The following DCDC2 variants were observed in gnomAD, a reference collection of about 807,000 sequenced individuals.
The protein encoded by DCDC2 is doublecortin domain containing 2, also known as doublecortin domain-containing protein 2.
In DCDC2, 40 loss-of-function variants were observed where a neutral mutation model predicts 50.2. The observed-to-expected ratio is 0.80, with a 90% CI of 0.62 to 1.04. The LOEUF (loss-of-function observed/expected upper bound fraction) is 1.04. Ranked by LOEUF, DCDC2 falls within the 50% of genes least tolerant of loss-of-function variation. The probability of loss-of-function intolerance (pLI) is 0.00; values close to 1 mark genes in which losing one functional copy is unlikely to be tolerated. For missense variants in DCDC2, 570 were observed against 581.9 expected (o/e 0.98, Z 0.21); for synonymous variants, 234 against 210.6 (o/e 1.11, Z -0.96).
At chr6:24,375,631 A>G in the DCDC2 span, among the ~76,000 whole-genome samples, 1 of 152,144 alleles carries the variant, frequency 6.6e-6, no homozygotes, top group East Asian at 1.9e-4. Context: ...TCACCACTCC[A>G]TAGAAATTAG....
intron 4 of DCDC2, among the ~76,000 whole-genome samples, chr6:24,300,901 TG>T (rs1759356519): frequency 1.3e-5 from 2 of 152,166 alleles, no homozygotes; most frequent in Admixed American, 1.3e-4. Flanking sequence ...TGTTGGAACC[TG>T]AAAAAAATGC....
chr6:24,278,261 A>G (rs1361310757), intron 6 of DCDC2, 50 bp from the exon 7 acceptor site: 3 of 1,521,786 alleles, frequency 2.0e-6, no homozygotes, highest in Non-Finnish European at 2.7e-6. Flanking sequence ...AACTCTCAAA[A>G]ACATTCCCAG....
intron 7 of DCDC2, among the ~76,000 whole-genome samples, chr6:24,268,394 C>T (rs375530955): frequency 3.9e-5 from 6 of 151,920 alleles, no homozygotes; most frequent in African/African-American, 1.2e-4. Flanking sequence ...AGCTAAGGCA[C>T]GATAATTGCT....
intron 7 of DCDC2, among the ~76,000 whole-genome samples, chr6:24,208,429 G>T: frequency 7.1e-6 from 1 of 140,402 alleles, no homozygotes; most frequent in East Asian, 2.2e-4. Flanking sequence ...GGAGTGCAGT[G>T]GCGCAATCTC....
chr6:24,347,013 T>C (rs781141086), intron 2 of DCDC2, among the ~76,000 whole-genome samples: 11 of 152,184 alleles, frequency 7.2e-5, no homozygotes, highest in Admixed American at 7.2e-4. Context: ...CAAGCCTACT[T>C]ATCCTGATCA....
intron 2 of DCDC2, among the ~76,000 whole-genome samples, chr6:24,347,831 G>A (rs1199336202): frequency 6.6e-6 from 1 of 152,098 alleles, no homozygotes; most frequent in Non-Finnish European, 1.5e-5. Flanking sequence ...ATCTAAATAG[G>A]TGGTGGAAAA....
At chr6:24,322,764 G>C (rs1190127307) in intron 2 of DCDC2, among the ~76,000 whole-genome samples, 1 of 152,062 alleles carries the variant, frequency 6.6e-6, no homozygotes, top group South Asian at 2.1e-4. Context: ...GAGTTGTCCC[G>C]CCTTTCTGAA....
intron 7 of DCDC2, among the ~76,000 whole-genome samples, chr6:24,272,890 C>T (rs550899772): frequency 2.0e-5 from 3 of 152,120 alleles, no homozygotes; most frequent in Admixed American, 6.5e-5. Context: ...ATCATTATAC[C>T]AAAAAGACAC....
At chr6:24,204,977 A>G (rs1018502954) in intron 8 of DCDC2, 25 bp downstream of exon 8, 2 of 1,597,374 alleles carry the variant, frequency 1.3e-6, no homozygotes, top group Middle Eastern at 1.7e-4. Flanking sequence ...TGTCTTACAC[A>G]TATTTTTTAA....
upstream of DCDC2, among the ~76,000 whole-genome samples, chr6:24,359,035 T>C (rs1301128727): frequency 1.5e-4 from 7 of 45,360 alleles, no homozygotes; most frequent in African/African-American, 6.8e-4. Context: ...TTTTATATTT[T>C]ATATATATTA....
At chr6:24,359,274 T>TATATATTATATATA (rs1760594515), upstream of DCDC2, among the ~76,000 whole-genome samples, 2 of 71,420 alleles carry the variant, frequency 2.8e-5, no homozygotes, top group South Asian at 4.0e-4. Context: ...TTTTATATTT[T>TATATATTATATATA]ATATATATTA....
At chr6:24,294,727 G>A (rs1183835294) in intron 4 of DCDC2, among the ~76,000 whole-genome samples, 1 of 152,066 alleles carries the variant, frequency 6.6e-6, no homozygotes, top group Non-Finnish European at 1.5e-5. Context: ...TGAAAGGGAT[G>A]GATAAATTCC....
At chr6:24,270,695 C>T (rs985937934) in intron 7 of DCDC2, among the ~76,000 whole-genome samples, 2 of 152,056 alleles carry the variant, frequency 1.3e-5, no homozygotes, top group African/African-American at 4.8e-5. Flanking sequence ...ACATCTTCCT[C>T]CTCCCTCCAC....
At chr6:24,175,642 T>C (rs930362489) in intron 9 of DCDC2, among the ~76,000 whole-genome samples, 2 of 152,226 alleles carry the variant, frequency 1.3e-5, no homozygotes, top group African/African-American at 4.8e-5. Context: ...AATGGTATCT[T>C]GAATATAGTA....
At chr6:24,210,138 C>T (rs1280422985) in intron 7 of DCDC2, among the ~76,000 whole-genome samples, 1 of 151,636 alleles carries the variant, frequency 6.6e-6, no homozygotes, top group Non-Finnish European at 1.5e-5. Flanking sequence ...GTCTCCTTGG[C>T]CAATCCATCC....
At chr6:24,177,331 T>C (rs1228515939) in intron 9 of DCDC2, among the ~76,000 whole-genome samples, 2 of 152,232 alleles carry the variant, frequency 1.3e-5, no homozygotes, top group African/African-American at 2.4e-5. Context: ...GATAACTTCG[T>C]ACTGTTACTG....
chr6:24,209,155 G>C (rs1761799021), intron 7 of DCDC2, among the ~76,000 whole-genome samples: 1 of 152,116 alleles, frequency 6.6e-6, no homozygotes, highest in African/African-American at 2.4e-5. Context: ...CATGGACAAA[G>C]TCAAAGATAA....
At chr6:24,195,164 C>T (rs952246690) in intron 8 of DCDC2, among the ~76,000 whole-genome samples, 1 of 152,030 alleles carries the variant, frequency 6.6e-6, no homozygotes, top group Non-Finnish European at 1.5e-5. Context: ...AGTTAGCATG[C>T]CACAGTTTCA....
At position 24,241,693 on chromosome 6, in the gene DCDC2, A is replaced by C. The variant is rs531826242; in HGVS notation, c.922+36356T>G. ...TAAAAGACTCACAAAGCATTTAGAG[A>C]GTAATCTCAAAAGATCTTATTTAGA... is the stretch of plus-strand genomic sequence containing the variant. On this transcript the variant is annotated intron_variant, in intron 7 of 9. Transcript: ENST00000378454. Among the ~76,000 whole-genome samples, 3 of 152,348 alleles carry C rather than the reference A, an allele frequency of 2.0e-5. No individual in the cohort carries two copies. In the South Asian group the frequency reaches 6.2e-4, roughly 32 times the overall value.
Sources: allele counts gnomAD v4.1 joint callset (sites outside exome capture counted in the v4.1 genomes callset), GRCh38; gene constraint gnomAD v4.1.1; transcripts MANE v1.5; gene names NCBI Gene and HGNC (gene_info 2026-07-23, HGNC 2026-07-21).